Variants in IFTAP observed in about 807,000 individuals in gnomAD.
IFTAP encodes the protein intraflagellar transport-associated protein.
In IFTAP, 19 loss-of-function variants were observed where a neutral mutation model predicts 19.4. That is an observed-to-expected ratio of 0.98 (90% CI 0.68 to 1.44). IFTAP has a LOEUF of 1.44. Ranked by LOEUF, IFTAP falls within the 40% of genes most tolerant of loss-of-function variation. IFTAP has a pLI of 0.00. For missense variants in IFTAP, 240 were observed against 253.6 expected (o/e 0.95, Z 0.36); for synonymous variants, 85 against 83.5 (o/e 1.02, Z -0.10).
intron 2 of IFTAP, among the ~76,000 whole-genome samples, chr11:36,616,676 C>T (rs949435637): frequency 4.6e-5 from 7 of 151,714 alleles, no homozygotes; most frequent in South Asian, 2.1e-4. Context: ...ATTTAAGGAG[C>T]GATGCCAGTG....
At chr11:36,618,466 C>T (rs1852176704) in intron 2 of IFTAP, among the ~76,000 whole-genome samples, 1 of 152,066 alleles carries the variant, frequency 6.6e-6, no homozygotes, top group South Asian at 2.1e-4. Flanking sequence ...TCTAGAGTAT[C>T]ATCAGCTCCA....
chr11:36,615,960 C>G (rs1247640179), intron 2 of IFTAP, among the ~76,000 whole-genome samples: 1 of 151,958 alleles, frequency 6.6e-6, no homozygotes, highest in Non-Finnish European at 1.5e-5. Flanking sequence ...ACCAGGATTA[C>G]CACATGATCC....
chr11:36,599,666 A>G (rs1258980622), intron 1 of IFTAP, among the ~76,000 whole-genome samples: 2 of 152,122 alleles, frequency 1.3e-5, no homozygotes, highest in Non-Finnish European at 2.9e-5. Flanking sequence ...AGATGTATGT[A>G]GCTCAGTTGA....
At chr11:36,617,362 G>A (rs904596170) in intron 2 of IFTAP, among the ~76,000 whole-genome samples, 2 of 122,986 alleles carry the variant, frequency 1.6e-5, no homozygotes, top group African/African-American at 5.1e-5. Flanking sequence ...TTTTGTGATG[G>A]CAGACTTTTA....
At chr11:36,650,486 A>G (rs1381037009) in intron 5 of IFTAP, among the ~76,000 whole-genome samples, 2 of 150,962 alleles carry the variant, frequency 1.3e-5, no homozygotes, top group Non-Finnish European at 2.9e-5. Flanking sequence ...CATATCCATC[A>G]CTTCAAACAT....
At chr11:36,606,484 T>A (rs955496645) in intron 1 of IFTAP, among the ~76,000 whole-genome samples, 2 of 151,050 alleles carry the variant, frequency 1.3e-5, no homozygotes, top group Non-Finnish European at 2.9e-5. Flanking sequence ...ACATGTCATC[T>A]CTATATTGGG....
Position 36,644,491 on chromosome 11 carries a change from A to G in IFTAP, c.359-3525A>G, listed in dbSNP as rs529367931. On this transcript the variant is annotated intron_variant, in intron 4 of 5. Coordinates refer to ENST00000334307, the MANE Select transcript of IFTAP (RefSeq NM_138787.4). Reference sequence around the variant, plus strand: ...AAAGACCATTTGACCCAGCTATCCCATTACTGGGTATATACCCAAAGGATT... The same window carrying G: ...AAAGACCATTTGACCCAGCTATCCCGTTACTGGGTATATACCCAAAGGATT... Among the ~76,000 whole-genome samples the G allele has an allele frequency of 3.3e-4, 51 of 152,322 alleles. 1 individual carries two copies. The highest frequency in any genetic ancestry group is 1.0e-3 in the African/African-American group (43 of 41,568).
chr11:36,650,819 C>A (rs1172423486), intron 5 of IFTAP, among the ~76,000 whole-genome samples: 1 of 151,482 alleles, frequency 6.6e-6, no homozygotes, highest in African/African-American at 2.4e-5. Context: ...GGTTTTTTGT[C>A]CTTGCGATAG....
At chr11:36,621,925 T>C (rs1852304573) in intron 2 of IFTAP, among the ~76,000 whole-genome samples, 1 of 152,054 alleles carries the variant, frequency 6.6e-6, no homozygotes, top group South Asian at 2.1e-4. Context: ...ATTTGCATAG[T>C]ATTGATGAAC....
At chr11:36,614,818 A>G (rs1852010673) in intron 2 of IFTAP, among the ~76,000 whole-genome samples, 1 of 149,314 alleles carries the variant, frequency 6.7e-6, no homozygotes, top group African/African-American at 2.5e-5. Flanking sequence ...TCTGGATATT[A>G]GCCCTTTGTC....
chr11:36,602,882 A>C (rs1428558471), intron 1 of IFTAP, among the ~76,000 whole-genome samples: 1 of 152,242 alleles, frequency 6.6e-6, no homozygotes, highest in Admixed American at 6.5e-5. Flanking sequence ...TTTTGATTTC[A>C]AAAACAATGG....
intron 4 of IFTAP, among the ~76,000 whole-genome samples, chr11:36,640,076 C>T (rs1317627958): frequency 6.6e-6 from 1 of 152,114 alleles, no homozygotes; most frequent in Non-Finnish European, 1.5e-5. Flanking sequence ...TGTGATTTAT[C>T]TAGCTTTTCT....
At chr11:36,620,972 T>C (rs1852267500) in intron 2 of IFTAP, among the ~76,000 whole-genome samples, 1 of 151,966 alleles carries the variant, frequency 6.6e-6, no homozygotes, top group Non-Finnish European at 1.5e-5. Context: ...ACAAATGGGA[T>C]TTTAAACTTT....
chr11:36,652,928 A>G (rs1368183389), intron 5 of IFTAP, among the ~76,000 whole-genome samples: 3 of 152,098 alleles, frequency 2.0e-5, no homozygotes, highest in Non-Finnish European at 4.4e-5. Flanking sequence ...AGCTGCTTCA[A>G]GCTGCTTTGT....
At chr11:36,599,525 T>C (rs986004173) in intron 1 of IFTAP, among the ~76,000 whole-genome samples, 51 of 152,226 alleles carry the variant, frequency 3.4e-4, no homozygotes, top group Non-Finnish European at 5.4e-4. Context: ...GATTAAAATG[T>C]CTATAGAATG....
At position 36,633,315 on chromosome 11, in the gene IFTAP, A is replaced by T; in HGVS notation, c.168A>T (p.Gly56=). ...ATGTGTCCAAAAGGGGAGTGTTTGG[A>T]ACTGATTCTTCAGAAAACATTTTTA... ...EDHVSKRGVF[G]TDSSENIFTS... The change falls in exon 3 of 6, where the codon GGA becomes GGT. Residue 56 remains glycine (G), a synonymous_variant. Coordinates refer to ENST00000334307, the MANE Select transcript of IFTAP (RefSeq NM_138787.4). 1.3e-6 allele frequency: 2 copies of T among 1,598,240 alleles called. No homozygotes were observed. Among genetic ancestry groups the T allele is most frequent in the Non-Finnish European group, 1.7e-6 (2 of 1,173,312 alleles).
At chr11:36,623,322 A>G (rs1226279227) in intron 2 of IFTAP, among the ~76,000 whole-genome samples, 1 of 151,760 alleles carries the variant, frequency 6.6e-6, no homozygotes, top group East Asian at 1.9e-4. Context: ...TTTTTTTATG[A>G]ATAAGGTCTG....
intron 1 of IFTAP, among the ~76,000 whole-genome samples, chr11:36,605,472 CAGT>C (rs1394124999): frequency 3.3e-5 from 5 of 152,176 alleles, no homozygotes; most frequent in African/African-American, 1.2e-4. Flanking sequence ...TGTGCTGAAT[CAGT>C]GGTGACAATT....
intron 1 of IFTAP, 92 bp from the exon 2 acceptor site, chr11:36,609,989 G>A (rs1310875880): frequency 9.6e-6 from 11 of 1,147,156 alleles, no homozygotes; most frequent in Non-Finnish European, 1.3e-5. Flanking sequence ...TTGTTTTGGA[G>A]CCTTGGAATT....
Sources: allele counts gnomAD v4.1 joint callset (sites outside exome capture counted in the v4.1 genomes callset), GRCh38; gene constraint gnomAD v4.1.1; transcripts MANE v1.5; gene names NCBI Gene and HGNC (gene_info 2026-07-23, HGNC 2026-07-21).